Variants in KARS1 observed in about 807,000 individuals in gnomAD.
KARS1 encodes the protein lysine--tRNA ligase.
A neutral mutation model predicts 63.9 loss-of-function variants in KARS1; 50 were observed. That is an observed-to-expected ratio of 0.78 (90% CI 0.62 to 0.99). The LOEUF (loss-of-function observed/expected upper bound fraction) is 0.99, where lower values mean the gene tolerates loss of function less well. KARS1 is among the 50% of genes least tolerant of loss of function. The probability of loss-of-function intolerance (pLI) is 0.00; values close to 1 mark genes in which losing one functional copy is unlikely to be tolerated. For missense variants in KARS1, 816 were observed against 754.5 expected, an observed-to-expected ratio of 1.08 and a Z score of -0.95; for synonymous variants, 320 against 264.6, an observed-to-expected ratio of 1.21 and a Z score of -2.03.
chr16:75,640,120 T>A, intron 3 of KARS1, 64 bp downstream of exon 3: 2 of 1,398,496 alleles, frequency 1.4e-6, no homozygotes, highest in Non-Finnish European at 2.0e-6. Context: ...CCTTCCCTTG[T>A]GCTACTGAAG....
chr16:75,631,238 A>T lies in KARS1; in HGVS notation c.1268T>A (p.Leu423His). Residue 423 changes from leucine (L) to histidine (H), a missense_variant, in exon 10 of 14, where the codon CTT becomes CAT. Coordinates refer to ENST00000302445, the MANE Select transcript of KARS1 (RefSeq NM_005548.3). ...LFETEETRKI[L>H]DDICVAKAVE... ...AGCTTTTGCCACACAGATATCATCA[A>T]GAATTTTGCGAGTTTCTGGGACACA... 1 of 1,614,122 alleles carries T rather than the reference A, an allele frequency of 6.2e-7. No individual in the cohort carries two copies. The highest frequency in any genetic ancestry group is 8.5e-7 in the Non-Finnish European group (1 of 1,179,990).
In KARS1 at chr16:75,635,902, G is replaced by A. The variant is rs2082156263; in HGVS notation, c.669+10C>T. Reference sequence around the variant, plus strand: ...TAGGAGGCCACAGCTAGGAGGCCAAGAACGCTTACCTTGTCTTTGAGGCCA... The same window carrying A: ...TAGGAGGCCACAGCTAGGAGGCCAAAAACGCTTACCTTGTCTTTGAGGCCA... On this transcript the variant is annotated intron_variant, in intron 5 of 13. Coordinates refer to ENST00000302445, the MANE Select transcript of KARS1 (RefSeq NM_005548.3). The A allele has an allele frequency of 1.2e-6, 2 of 1,614,100 alleles. No homozygotes were observed. The highest frequency in any genetic ancestry group is 1.7e-6 in the Non-Finnish European group (2 of 1,179,958).
Position 75,631,214 on chromosome 16 carries a change from G to A in KARS1, c.1292C>T (p.Ala431Val), listed in dbSNP as rs1318002096. 1.2e-6 allele frequency: 2 copies of A among 1,614,092 alleles called. No individual in the cohort carries two copies. The highest frequency in any genetic ancestry group is 1.7e-6 in the Non-Finnish European group (2 of 1,179,972). Residue 431 changes from alanine to valine, a missense_variant, in exon 10 of 14, where the codon GCT (alanine) becomes GTT (valine). Transcript: ENST00000302445. Reference protein sequence around the residue: ...KILDDICVAKAVECPPPRTTA... With the variant: ...KILDDICVAKVVECPPPRTTA... ...GGTCCGAGGTGGAGGGCATTCAACAGCTTTTGCCACACAGATATCATCAAG... is the reference window on the plus strand; with the variant it reads ...GGTCCGAGGTGGAGGGCATTCAACAACTTTTGCCACACAGATATCATCAAG...
intron 2 of KARS1, 74 bp from the exon 3 acceptor site, chr16:75,640,423 G>T (rs1597174263): frequency 7.0e-7 from 1 of 1,434,884 alleles, no homozygotes; most frequent in African/African-American, 1.4e-5. Flanking sequence ...CCTAGCAGAG[G>T]GCAGTATTCT....
chr16:75,639,011 T>C (rs551133019), intron 3 of KARS1, among the ~76,000 whole-genome samples: 3 of 150,880 alleles, frequency 2.0e-5, no homozygotes, highest in Admixed American at 6.6e-5. Context: ...CTACTAAAGA[T>C]ACAAAAATTA....
chr16:75,634,300 A>G lies in KARS1; in HGVS notation c.796-8T>C. 1 of 1,613,834 alleles carries G rather than the reference A, an allele frequency of 6.2e-7. No individual in the cohort carries two copies. The highest frequency in any genetic ancestry group is 8.5e-7 in the Non-Finnish European group (1 of 1,179,842). On this transcript the variant is annotated splice_polypyrimidine_tract_variant and splice_region_variant and intron_variant, in intron 6 of 13. Transcript: ENST00000302445. ...CATCATGGGAGTTTCAATCTAAAAAAGGCAGGGAGAAACATCAGTCCTTAG... is the reference window on the plus strand; with the variant it reads ...CATCATGGGAGTTTCAATCTAAAAAGGGCAGGGAGAAACATCAGTCCTTAG...
chr16:75,628,854 C>A (rs1222507558), intron 12 of KARS1, 142 bp from the exon 13 acceptor site: 2 of 859,908 alleles, frequency 2.3e-6, no homozygotes, highest in Admixed American at 3.9e-5. Context: ...GAATTCATTT[C>A]CTAGTAACTC....
At chr16:75,636,383 A>C (rs1287762892) in intron 4 of KARS1, 71 bp downstream of exon 4, 7 of 992,570 alleles carry the variant, frequency 7.1e-6, no homozygotes, top group Non-Finnish European at 1.1e-5. Context: ...TACCAGTAAG[A>C]CCACATCAGC....
At chr16:75,642,745 T>C (rs1412426881) in intron 1 of KARS1, 1 of 152,076 alleles carries the variant, frequency 6.6e-6, no homozygotes, top group Non-Finnish European at 1.5e-5. Flanking sequence ...GTACAGGGGG[T>C]AATATACCAT....
At chr16:75,633,771 C>A (rs543583274) in intron 7 of KARS1, among the ~76,000 whole-genome samples, 1 of 152,220 alleles carries the variant, frequency 6.6e-6, no homozygotes, top group Non-Finnish European at 1.5e-5. Context: ...TCCGCCTTGG[C>A]CTCCCAAAGC....
chr16:75,633,798 T>G (rs993505251), intron 7 of KARS1, among the ~76,000 whole-genome samples: 10 of 152,262 alleles, frequency 6.6e-5, no homozygotes, highest in Admixed American at 3.3e-4. Flanking sequence ...ATTACAGGTG[T>G]GAGGCCCGCG....
At chr16:75,642,991 T>C (rs1269686972) in intron 1 of KARS1, among the ~76,000 whole-genome samples, 3 of 152,226 alleles carry the variant, frequency 2.0e-5, no homozygotes, top group Non-Finnish European at 4.4e-5. Flanking sequence ...TTACTCTCTG[T>C]GCCTCATATA....
chr16:75,634,147 GA>G, intron 7 of KARS1, 25 bp downstream of exon 7: 2 of 1,611,794 alleles, frequency 1.2e-6, no homozygotes, highest in Non-Finnish European at 8.5e-7. Context: ...TTCTTTAAGG[GA>G]AAAGGGTGTA....
rs2082071128 is a variant in KARS1, at chr16:75,628,103, A to ACT, written c.1696-111_1696-110insAG. The stretch of plus-strand genomic sequence containing the variant: ...TTGTTACCACCAAAATCCAGAGATT[A>ACT]GTATATTCCAGCTGAAAAGGCTCAT... On this transcript the variant is annotated intron_variant, in intron 13 of 13. Coordinates refer to ENST00000302445, the MANE Select transcript of KARS1 (RefSeq NM_005548.3). 4 of 759,304 alleles carry ACT rather than the reference A, an allele frequency of 5.3e-6. No homozygotes were observed. The Admixed American group carries it at 7.3e-5, about 14-fold the overall frequency. The allele number at this position is 759,304 out of a possible 1,614,324, so 47.0% of individuals were successfully genotyped here.
chr16:75,634,079 C>A (rs569905559), intron 7 of KARS1, 94 bp downstream of exon 7: 1 of 1,375,220 alleles, frequency 7.3e-7, no homozygotes, highest in African/African-American at 1.4e-5. Flanking sequence ...GCTTTACTCT[C>A]TCTGTTCCTC....
intron 1 of KARS1, chr16:75,644,440 C>A (rs775152587): frequency 6.2e-7 from 1 of 1,604,362 alleles, no homozygotes; most frequent in Non-Finnish European, 8.5e-7. Flanking sequence ...GCAGAGCACC[C>A]TGGAACTAAT....
intron 6 of KARS1, among the ~76,000 whole-genome samples, chr16:75,634,775 C>T (rs2082146249): frequency 6.6e-6 from 1 of 152,110 alleles, no homozygotes; most frequent in South Asian, 2.1e-4. Context: ...CAGGGTTTCA[C>T]TGTGTTAGCC....
In KARS1 at chr16:75,640,296, T is replaced by G; in HGVS notation, c.276A>C (p.Glu92Asp). The G allele has an allele frequency of 6.2e-7, 1 of 1,613,722 alleles. No homozygotes were observed. ...CATGGAACTTGTGTGGGTATGGGTCTTCCCCATTGACCTTCAGCTGATGAA... is the reference window on the plus strand; with the variant it reads ...CATGGAACTTGTGTGGGTATGGGTCGTCCCCATTGACCTTCAGCTGATGAA... ...QAIHQLKVNGEDPYPHKFHVD... is the reference protein window; with the variant it reads ...QAIHQLKVNGDDPYPHKFHVD... The change falls in exon 3 of 14, where the codon GAA (glutamate) becomes GAC (aspartate). Residue 92 changes from glutamate to aspartate, a missense_variant. Coordinates refer to ENST00000302445, the MANE Select transcript of KARS1 (RefSeq NM_005548.3).
Position 75,634,205 on chromosome 16 carries a change from A to G in KARS1, c.883T>C (p.Tyr295His). 2 of 1,614,052 alleles carry G rather than the reference A, an allele frequency of 1.2e-6. No homozygotes were observed. The highest frequency in any genetic ancestry group is 1.1e-5 in the South Asian group (1 of 91,080). Reference protein sequence around the residue: ...TYHNELDMNLYMRIAPELYHK... With the variant: ...TYHNELDMNLHMRIAPELYHK... Reference sequence around the variant, plus strand: ...TAGAGTTCTGGAGCAATTCTCATATATAAGTTCATGTCCAGCTCGTTGTGA... The same window carrying G: ...TAGAGTTCTGGAGCAATTCTCATATGTAAGTTCATGTCCAGCTCGTTGTGA... The change falls in exon 7 of 14, where the codon TAT (tyrosine) becomes CAT (histidine). Residue 295 changes from tyrosine (Y) to histidine (H), a missense_variant. By Grantham distance (83) the Tyr-to-His change is moderately conservative. Transcript: ENST00000302445.
Sources: allele counts gnomAD v4.1 joint callset (sites outside exome capture counted in the v4.1 genomes callset), GRCh38; gene constraint gnomAD v4.1.1; transcripts MANE v1.5; gene names NCBI Gene and HGNC (gene_info 2026-07-23, HGNC 2026-07-21).